FGGY: variants seen among roughly 807,000 people sequenced by gnomAD.
The protein encoded by FGGY is FGGY carbohydrate kinase domain-containing protein.
In FGGY, 72 loss-of-function variants were observed where a neutral mutation model predicts 71.3. The ratio of observed to expected loss-of-function variants is 1.01; its 90% CI spans 0.84 to 1.23. The LOEUF is 1.23. Ranked by LOEUF, FGGY falls within the 50% of genes most tolerant of loss-of-function variation. FGGY has a pLI of 0.00. For missense variants in FGGY, 668 were observed against 682.3 expected (o/e 0.98, Z 0.23); for synonymous variants, 251 against 250.3 (o/e 1.00, Z -0.02).
chr1:59,384,093 A>C (rs904542260), intron 5 of FGGY, among the ~76,000 whole-genome samples: 28 of 152,200 alleles, frequency 1.8e-4, no homozygotes, highest in Non-Finnish European at 3.4e-4. Flanking sequence ...TGACAATCTC[A>C]AACCTTGAGG....
At chr1:59,398,309 G>A (rs912589736) in intron 5 of FGGY, among the ~76,000 whole-genome samples, 1 of 152,052 alleles carries the variant, frequency 6.6e-6, no homozygotes, top group Middle Eastern at 3.2e-3. Context: ...CACAGTCTCA[G>A]TGCACTGCAA....
intron 7 of FGGY, among the ~76,000 whole-genome samples, chr1:59,514,467 G>A (rs1050577832): frequency 2.6e-5 from 4 of 152,198 alleles, no homozygotes; most frequent in Non-Finnish European, 4.4e-5. Flanking sequence ...TTCCTAAACA[G>A]AGATGTTCAG....
At chr1:59,546,893 C>G (rs1220387963) in intron 7 of FGGY, among the ~76,000 whole-genome samples, 1 of 151,204 alleles carries the variant, frequency 6.6e-6, no homozygotes, top group East Asian at 1.9e-4. Context: ...AGTTCTAGAC[C>G]ACATTTCTTT....
intron 12 of FGGY, among the ~76,000 whole-genome samples, chr1:59,663,469 G>A (rs1200247932): frequency 1.6e-4 from 24 of 152,286 alleles, no homozygotes; most frequent in African/African-American, 2.4e-5. Flanking sequence ...TGCAGCAGAA[G>A]TCCAGAAATG....
chr1:59,507,287 C>A (rs1287924246), intron 6 of FGGY, among the ~76,000 whole-genome samples: 3 of 152,174 alleles, frequency 2.0e-5, no homozygotes, highest in Non-Finnish European at 2.9e-5. Context: ...CTTCTAGTTA[C>A]AAGAGTAGGT....
chr1:59,306,822 A>G (rs1012865559), intron 1 of FGGY, among the ~76,000 whole-genome samples: 1 of 152,220 alleles, frequency 6.6e-6, no homozygotes, highest in African/African-American at 2.4e-5. Context: ...TCAAATAAAA[A>G]TTGTTCAGGC....
intron 7 of FGGY, among the ~76,000 whole-genome samples, chr1:59,524,303 G>A (rs2094916318): frequency 1.3e-5 from 2 of 151,986 alleles, no homozygotes; most frequent in South Asian, 4.2e-4. Flanking sequence ...GCTCAGGCCT[G>A]CAGGTGCCTC....
chr1:59,345,858 T>C (rs1279798177), intron 3 of FGGY, among the ~76,000 whole-genome samples: 1 of 152,226 alleles, frequency 6.6e-6, no homozygotes, highest in African/African-American at 2.4e-5. Context: ...GAGACAGATC[T>C]TAGAAAGTAT....
intron 14 of FGGY, among the ~76,000 whole-genome samples, chr1:59,692,523 A>T (rs1356820186): frequency 6.6e-6 from 1 of 152,132 alleles, no homozygotes; most frequent in Admixed American, 6.5e-5. Context: ...AAGGGAAAAA[A>T]AATTCTCATT....
chr1:59,434,434 G>T (rs2153464584), intron 5 of FGGY, among the ~76,000 whole-genome samples: 1 of 152,334 alleles, frequency 6.6e-6, no homozygotes, highest in South Asian at 2.1e-4. Context: ...GTGAGTGCCT[G>T]CAGAGGCAGG....
chr1:59,362,524 C>T (rs563463194), intron 4 of FGGY, among the ~76,000 whole-genome samples: 37 of 152,336 alleles, frequency 2.4e-4, no homozygotes, highest in Non-Finnish European at 4.0e-4. Context: ...GACTGAGCTT[C>T]TCATAGTTCC....
chr1:59,376,446 T>C (rs967104744), intron 4 of FGGY, among the ~76,000 whole-genome samples: 2 of 152,184 alleles, frequency 1.3e-5, no homozygotes, highest in Non-Finnish European at 2.9e-5. Context: ...TAGATGTTGG[T>C]GTTTATATAG....
At chr1:59,437,428 C>T (rs1417085796) in intron 5 of FGGY, among the ~76,000 whole-genome samples, 1 of 152,242 alleles carries the variant, frequency 6.6e-6, no homozygotes, top group African/African-American at 2.4e-5. Flanking sequence ...TAGACTGGCC[C>T]ATTCTCTGGA....
chr1:59,351,883 G>A (rs2053380002), intron 4 of FGGY, among the ~76,000 whole-genome samples: 1 of 151,820 alleles, frequency 6.6e-6, no homozygotes, highest in Admixed American at 6.5e-5. Flanking sequence ...GTCAGAGGAA[G>A]TTGGGCAGAA....
intron 6 of FGGY, among the ~76,000 whole-genome samples, chr1:59,467,809 T>C (rs545563003): frequency 6.6e-6 from 1 of 152,344 alleles, no homozygotes; most frequent in East Asian, 1.9e-4. Context: ...GAAATATTCA[T>C]TGAATGAGTT....
At chr1:59,509,425 T>G (rs2094467028) in intron 6 of FGGY, among the ~76,000 whole-genome samples, 1 of 152,242 alleles carries the variant, frequency 6.6e-6, no homozygotes, top group Non-Finnish European at 1.5e-5. Context: ...GCTTTCCTCC[T>G]GGCTTAATGC....
At chr1:59,630,118 G>GAA (rs1351517614) in intron 10 of FGGY, among the ~76,000 whole-genome samples, 1 of 152,078 alleles carries the variant, frequency 6.6e-6, no homozygotes, top group Non-Finnish European at 1.5e-5. Flanking sequence ...GCAAAAGGAG[G>GAA]AAAAGCCCCT....
chr1:59,612,611 A>C (rs974609464), intron 9 of FGGY, among the ~76,000 whole-genome samples: 3 of 152,252 alleles, frequency 2.0e-5, no homozygotes, highest in African/African-American at 7.2e-5. Flanking sequence ...TAACCAGCTA[A>C]CGTCATAATG....
At chr1:59,712,592 C>T (rs2097803096) in intron 14 of FGGY, among the ~76,000 whole-genome samples, 1 of 152,318 alleles carries the variant, frequency 6.6e-6, no homozygotes, top group South Asian at 2.1e-4. Flanking sequence ...GGCAGAGGTT[C>T]CCAAACCTCA....
Sources: allele counts gnomAD v4.1 joint callset (sites outside exome capture counted in the v4.1 genomes callset), GRCh38; gene constraint gnomAD v4.1.1; transcripts MANE v1.5; gene names NCBI Gene and HGNC (gene_info 2026-07-23, HGNC 2026-07-21).